The following BTK variants were observed in gnomAD, a reference collection of about 807,000 sequenced individuals.
BTK encodes Bruton tyrosine kinase.
Under a neutral mutation model 57.4 loss-of-function variants are expected in BTK, and 5 were observed. The ratio of observed to expected loss-of-function variants is 0.09; its 90% CI spans 0.05 to 0.18. The LOEUF (loss-of-function observed/expected upper bound fraction) is 0.18. BTK is among the 10% of genes least tolerant of loss of function. The pLI, the probability that BTK is intolerant of heterozygous loss-of-function variation, is 1.00. For missense variants in BTK, 194 were observed against 501.2 expected (o/e 0.39, Z 5.85); for synonymous variants, 154 against 174.3 (o/e 0.88, Z 0.92).
rs373747658 is a variant in BTK, at chrX:101,359,723, G to A, written c.839+365C>T. 5.5e-5 allele frequency among the ~76,000 whole-genome samples: 6 copies of A among 109,498 alleles called. No individual in the cohort carries two copies. The East Asian group carries it at 1.4e-3, about 26-fold the overall frequency. ...GAGTGTGATTCTTCTGGATTTGAGGGCATGGTGACCTCTCCAGCTCTCATA... is the reference window on the plus strand; with the variant it reads ...GAGTGTGATTCTTCTGGATTTGAGGACATGGTGACCTCTCCAGCTCTCATA... On this transcript the variant is annotated intron_variant, in intron 9 of 18. Transcript: ENST00000308731.
At chrX:101,363,711 A>C (rs112926724) in intron 5 of BTK, among the ~76,000 whole-genome samples, 12,812 of 106,296 alleles carry the variant, frequency 0.12, 784 homozygotes, top group South Asian at 0.28. Flanking sequence ...GTCTCAACAA[A>C]AAAAAAAAAA....
At chrX:101,369,975 T>C (rs1244277573) in intron 5 of BTK, 23 bp downstream of exon 5, 2 of 1,181,425 alleles carry the variant, frequency 1.7e-6, no homozygotes, top group East Asian at 3.0e-5. Flanking sequence ...TTTGGAAACA[T>C]TTATTTTCCA....
In BTK at chrX:101,359,898, C is replaced by A. The variant is rs928103022; in HGVS notation, c.839+190G>T. Reference sequence around the variant, plus strand: ...AAAAGTGTATATATATATATACACACTTGTGTATGTATACATAATATACCT... The same window carrying A: ...AAAAGTGTATATATATATATACACAATTGTGTATGTATACATAATATACCT... On this transcript the variant is annotated intron_variant, in intron 9 of 18. Coordinates refer to ENST00000308731, the MANE Select transcript of BTK (RefSeq NM_000061.3). Among the ~76,000 whole-genome samples the A allele has an allele frequency of 3.8e-4, 40 of 104,030 alleles. 1 individual carries two copies. The highest frequency in any genetic ancestry group is 2.7e-4 in the Non-Finnish European group (14 of 51,375). The allele number at this position is 104,030 out of a possible 115,157, so 90.3% of individuals were successfully genotyped here. A position where few individuals can be genotyped will look rare whatever the true frequency, so the allele number is the denominator to read the frequency against.
chrX:101,387,880 T>G (rs1368810100), upstream of BTK, among the ~76,000 whole-genome samples: 2 of 107,776 alleles, frequency 1.9e-5, no homozygotes, highest in Non-Finnish European at 3.9e-5. Context: ...GTTTTTTTTT[T>G]TTTTGAGACG....
intron 5 of BTK, among the ~76,000 whole-genome samples, chrX:101,368,998 T>C (rs1482363967): frequency 2.7e-5 from 3 of 112,360 alleles, no homozygotes; most frequent in African/African-American, 9.7e-5. Flanking sequence ...TTTCCTGATG[T>C]CAACTCAACC....
chrX:101,383,537 CTT>C (rs1199915049), intron 1 of BTK, among the ~76,000 whole-genome samples: 1 of 103,755 alleles, frequency 9.6e-6, no homozygotes. Flanking sequence ...GCAGACAAAT[CTT>C]TTTTTTTTTT....
At chrX:101,387,190 AAAAC>A (rs1927637483), upstream of BTK, among the ~76,000 whole-genome samples, 3 of 110,822 alleles carry the variant, frequency 2.7e-5, no homozygotes, top group Admixed American at 9.7e-5. Context: ...TTTTGTCTAA[AAAAC>A]AAACAAACAA....
intron 15 of BTK, 152 bp from the exon 16 acceptor site, chrX:101,354,846 C>G (rs1926414805): frequency 1.8e-6 from 1 of 570,376 alleles, no homozygotes; most frequent in Non-Finnish European, 2.9e-6. Flanking sequence ...TTGATGCCAC[C>G]AAGAAATTTT....
intron 1 of BTK, chrX:101,378,047 G>C (rs1333014305): frequency 9.1e-6 from 1 of 110,337 alleles, no homozygotes; most frequent in African/African-American, 3.3e-5. Context: ...TAGTTAGAGG[G>C]TAAAGCTTCT....
chrX:101,390,667 G>C (rs1244352210), upstream of BTK: 1 of 478,452 alleles, frequency 2.1e-6, no homozygotes, highest in Non-Finnish European at 3.7e-6. Flanking sequence ...GGAGGTGGAG[G>C]ACCCCTTCAT....
rs1377129319 is a variant in BTK at position 101,360,012 on chromosome X, A to C, written c.839+76T>G. On this transcript the variant is annotated intron_variant, in intron 9 of 18. Coordinates refer to ENST00000308731, the MANE Select transcript of BTK (RefSeq NM_000061.3). ...ATATAAATATATATAAAATATATAT[A>C]AATAAATAAATATATATATATATAG... 3 of 262,055 alleles carry C rather than the reference A, an allele frequency of 1.1e-5. No homozygotes were observed. The East Asian group carries it at 3.0e-4, about 26-fold the overall frequency. The allele number at this position is 262,055 out of a possible 1,213,427, so 21.6% of individuals were successfully genotyped here.
chrX:101,367,156 A>T (rs934954660), intron 5 of BTK, among the ~76,000 whole-genome samples: 31 of 109,047 alleles, frequency 2.8e-4, no homozygotes, highest in African/African-American at 9.4e-4. Context: ...AGGGAGGAGA[A>T]TTGCTTGAAC....
intron 5 of BTK, among the ~76,000 whole-genome samples, chrX:101,364,407 C>G (rs1189929176): frequency 1.1e-4 from 8 of 69,918 alleles, no homozygotes; most frequent in Non-Finnish European, 1.8e-4. Context: ...GAAACTCCAA[C>G]TCAAAAAAAA....
rs782342720 is a variant in BTK at position 101,354,424 on chromosome X, A to T, written c.1631+206T>A. On this transcript the variant is annotated intron_variant, in intron 16 of 18. Transcript: ENST00000308731. ...AGAGGAGGTAGAGATAAAGGGAGAA[A>T]GGAAGGAAAGGGATATGACAATAAA... Among the ~76,000 whole-genome samples, 8 of 111,806 alleles carry T rather than the reference A, an allele frequency of 7.2e-5. No homozygotes were observed. The East Asian group carries it at 2.2e-3, about 31-fold the overall frequency.
chrX:101,375,140 T>C lies in BTK; in HGVS notation c.141+4A>G, dbSNP rs1555980867. ...AACTCAGTTTTCATAGTCGAGAAACTTACCCCACGTTCAAAGTCATACTCA... is the reference window on the plus strand; with the variant it reads ...AACTCAGTTTTCATAGTCGAGAAACCTACCCCACGTTCAAAGTCATACTCA... On this transcript the variant is annotated splice_donor_region_variant and intron_variant, in intron 2 of 18. Transcript: ENST00000308731. The C allele has an allele frequency of 8.3e-7, 1 of 1,211,498 alleles. No homozygotes were observed. Among genetic ancestry groups the C allele is most frequent in the African/African-American group, 1.7e-5 (1 of 57,778 alleles).
At position 101,353,904 on chromosome X, in the gene BTK, G is replaced by A; in HGVS notation, c.1716C>T (p.Ser572=). ...AAATGTCAGATTTGCTGCTGAACTT[G>A]CTATACATCAGGACTTCCGGTGGGG... ...RWSPPEVLMY[S]KFSSKSDIWA... Residue 572 remains serine, a synonymous_variant, in exon 17 of 19, where the codon AGC becomes AGT. Coordinates refer to ENST00000308731, the MANE Select transcript of BTK (RefSeq NM_000061.3). The A allele has an allele frequency of 8.3e-7, 1 of 1,211,265 alleles. No individual in the cohort carries two copies. The highest frequency in any genetic ancestry group is 1.8e-5 in the South Asian group (1 of 57,020).
At chrX:101,363,637 C>T (rs1196319848) in intron 5 of BTK, among the ~76,000 whole-genome samples, 4 of 105,052 alleles carry the variant, frequency 3.8e-5, no homozygotes, top group African/African-American at 1.4e-4. Flanking sequence ...ACCTGGCTGG[C>T]GGAGGTTGCA....
chrX:101,356,587 A>G, intron 14 of BTK, 197 bp downstream of exon 14: 1 of 483,396 alleles, frequency 2.1e-6, no homozygotes, highest in Non-Finnish European at 3.6e-6. Flanking sequence ...ACCCATGATC[A>G]CCACTATTCT....
intron 7 of BTK, 81 bp from the exon 8 acceptor site, chrX:101,360,836 T>A: frequency 1.0e-6 from 1 of 967,073 alleles, no homozygotes; most frequent in Non-Finnish European, 1.5e-6. Context: ...TCTGGCTTAC[T>A]CAAGACACCC....
Sources: gnomAD v4.1 joint callset for allele counts (sites outside exome capture counted in the v4.1 genomes callset) on GRCh38, gnomAD v4.1.1 for gene constraint, MANE v1.5 for transcripts, NCBI Gene and HGNC (gene_info 2026-07-23, HGNC 2026-07-21) for gene names.